Variants in TNR observed in about 807,000 individuals in gnomAD.
The protein encoded by TNR is tenascin R.
A neutral mutation model predicts 150.4 loss-of-function variants in TNR; 45 were observed. The ratio of observed to expected loss-of-function variants is 0.30; its 90% CI spans 0.24 to 0.38. The LOEUF is 0.38. Among genes scored for constraint, TNR ranks in the 10% least tolerant of loss-of-function variants. The pLI, the probability that TNR is intolerant of heterozygous loss-of-function variation, is 1.00. For synonymous variants in TNR, 687 were observed against 678.4 expected, an observed-to-expected ratio of 1.01 and a Z score of -0.20; for missense variants, 1,544 against 1,759.1, an observed-to-expected ratio of 0.88 and a Z score of 2.19.
At chr1:175,617,527 G>A (rs983526099) in intron 1 of TNR, among the ~76,000 whole-genome samples, 1 of 152,128 alleles carries the variant, frequency 6.6e-6, no homozygotes, top group African/African-American at 2.4e-5. Flanking sequence ...TTCTTGCATC[G>A]GGATGGCCTA....
chr1:175,637,167 C>A lies in TNR; in HGVS notation c.-165+106059G>T, dbSNP rs1664511809. ...ATGGCTGAGAATTCAAGACAGCTCT[C>A]TGGGCTTGCCTTTTGTTTATTTTTG... On this transcript the variant is annotated intron_variant, in intron 1 of 22. Coordinates refer to ENST00000367674, the MANE Select transcript of TNR (RefSeq NM_003285.3). Among the ~76,000 whole-genome samples the A allele has an allele frequency of 2.0e-5, 3 of 152,188 alleles. No homozygotes were observed. In the South Asian group the frequency reaches 6.2e-4, roughly 32 times the overall value.
chr1:175,725,518 C>T (rs549871742), intron 1 of TNR, among the ~76,000 whole-genome samples: 4 of 152,138 alleles, frequency 2.6e-5, no homozygotes, highest in Admixed American at 6.5e-5. Flanking sequence ...TCAACATCCA[C>T]GATGACCAAA....
In TNR at chr1:175,668,712, A is replaced by G. The variant is rs544145766; in HGVS notation, c.-165+74514T>C. ...GTGACCGGCACCATGCTAATATTAC[A>G]CATATTCTCTCTAATGATCTCAAGA... On this transcript the variant is annotated intron_variant, in intron 1 of 22. Transcript: ENST00000367674. Among the ~76,000 whole-genome samples the G allele has an allele frequency of 1.6e-4, 25 of 152,326 alleles. No homozygotes were observed. In the South Asian group the frequency reaches 4.4e-3, roughly 27 times the overall value.
chr1:175,475,855 T>C (rs1022949738), intron 2 of TNR, among the ~76,000 whole-genome samples: 2 of 152,202 alleles, frequency 1.3e-5, no homozygotes, highest in Non-Finnish European at 2.9e-5. Flanking sequence ...AATGAGCAAT[T>C]TGAGCAATCT....
At chr1:175,434,757 C>T (rs902937525) in intron 2 of TNR, among the ~76,000 whole-genome samples, 3 of 152,180 alleles carry the variant, frequency 2.0e-5, no homozygotes, top group African/African-American at 7.2e-5. Flanking sequence ...TGGTACACAG[C>T]ATGGAGTTTC....
intron 1 of TNR, among the ~76,000 whole-genome samples, chr1:175,640,531 C>A (rs1664622840): frequency 6.6e-6 from 1 of 152,106 alleles, no homozygotes; most frequent in Admixed American, 6.5e-5. Flanking sequence ...TTACTTTGCC[C>A]TACCTACTTC....
At chr1:175,708,886 C>T (rs534365719) in intron 1 of TNR, among the ~76,000 whole-genome samples, 2 of 152,280 alleles carry the variant, frequency 1.3e-5, no homozygotes, top group East Asian at 1.9e-4. Context: ...TATCGTCAAG[C>T]ACTATGAGCC....
At position 175,403,321 on chromosome 1, in the gene TNR, C is replaced by T. The variant is rs1036362620; in HGVS notation, c.795G>A (p.Arg265=). 2.2e-5 allele frequency: 35 copies of T among 1,614,084 alleles called. No individual in the cohort carries two copies. The highest frequency in any genetic ancestry group is 2.9e-5 in the Non-Finnish European group (34 of 1,180,042). The change falls in exon 4 of 23, where the codon AGG becomes AGA. Residue 265 remains arginine (R), a synonymous_variant. Coordinates refer to ENST00000367674, the MANE Select transcript of TNR (RefSeq NM_003285.3). ...CCTTCCCCGAACAGTCCCCAGGGCA[C>T]CTCAGTTCCCTGCAGTCCTCGCCAG... ...PYTGEDCREL[R]CPGDCSGKGR...
rs568998201 is a variant in TNR, at chr1:175,398,998, T to C, written c.977-2191A>G. On this transcript the variant is annotated intron_variant, in intron 4 of 22. Coordinates refer to ENST00000367674, the MANE Select transcript of TNR (RefSeq NM_003285.3). ...AACTGACTGTCAAACCCTGATGTTC[T>C]ACAGTTTTCATTCTTTCCCCTACAA... Among the ~76,000 whole-genome samples, 54 of 152,328 alleles carry C rather than the reference T, an allele frequency of 3.5e-4. 1 individual carries two copies. In the South Asian group the frequency reaches 5.6e-3, roughly 16 times the overall value.
intron 1 of TNR, among the ~76,000 whole-genome samples, chr1:175,737,015 C>T (rs1667791050): frequency 6.6e-6 from 1 of 151,974 alleles, no homozygotes; most frequent in South Asian, 2.1e-4. Context: ...AGTGAGATCC[C>T]ATCTCAAAAA....
intron 2 of TNR, among the ~76,000 whole-genome samples, chr1:175,445,496 C>T (rs145125024): frequency 2.6e-5 from 4 of 152,016 alleles, no homozygotes; most frequent in Non-Finnish European, 5.9e-5. Context: ...AAATTCAACA[C>T]AAAAAGTGTT....
At chr1:175,641,652 CT>C (rs1218598790) in intron 1 of TNR, among the ~76,000 whole-genome samples, 6 of 152,180 alleles carry the variant, frequency 3.9e-5, no homozygotes, top group Non-Finnish European at 8.8e-5. Context: ...AGAAAATAAA[CT>C]TCCCAAGTCT....
At position 175,669,213 on chromosome 1, in the gene TNR, C is replaced by A. The variant is rs116516168; in HGVS notation, c.-165+74013G>T. Among the ~76,000 whole-genome samples, 463 of 152,294 alleles carry A rather than the reference C, an allele frequency of 3.0e-3. 2 individuals are homozygous for A. The highest frequency in any genetic ancestry group is 0.011 in the African/African-American group (446 of 41,556). Reference sequence around the variant, plus strand: ...GGTAAAGCATGTGAAAGATTAAATGCGGTAACCATTATCATCACAGTCCTG... The same window carrying A: ...GGTAAAGCATGTGAAAGATTAAATGAGGTAACCATTATCATCACAGTCCTG... On this transcript the variant is annotated intron_variant, in intron 1 of 22. Transcript: ENST00000367674.
At chr1:175,443,815 T>C (rs1655907615) in intron 2 of TNR, among the ~76,000 whole-genome samples, 1 of 152,196 alleles carries the variant, frequency 6.6e-6, no homozygotes, top group Non-Finnish European at 1.5e-5. Context: ...GATTGATTCC[T>C]CCTTAGTTTG....
chr1:175,382,530 G>A (rs1652728952), intron 8 of TNR, among the ~76,000 whole-genome samples: 2 of 152,220 alleles, frequency 1.3e-5, no homozygotes, highest in Non-Finnish European at 2.9e-5. Flanking sequence ...GGCTTGAACT[G>A]TTGGGACTTG....
chr1:175,719,251 C>T (rs1210192430), intron 1 of TNR, among the ~76,000 whole-genome samples: 4 of 152,216 alleles, frequency 2.6e-5, no homozygotes, highest in Non-Finnish European at 5.9e-5. Context: ...TTGGGCTGCA[C>T]ACAGGGGTGT....
At chr1:175,331,029 C>CT (rs761886290) in intron 20 of TNR, among the ~76,000 whole-genome samples, 5 of 68,122 alleles carry the variant, frequency 7.3e-5, no homozygotes, top group African/African-American at 2.4e-4. Flanking sequence ...TTCTTTCTTT[C>CT]TTTCTTTCTT....
chr1:175,585,590 G>A (rs1414986933), intron 1 of TNR, among the ~76,000 whole-genome samples: 3 of 152,168 alleles, frequency 2.0e-5, no homozygotes, highest in Non-Finnish European at 4.4e-5. Context: ...CAAAGCCCAT[G>A]TTCTTTATAC....
chr1:175,499,135 T>C lies in TNR; in HGVS notation c.-64+29134A>G, dbSNP rs78787928. ...GCCAATCACGAGTTTAGTTTCTGGC[T>C]TGTTTTTGTTTTTATTGTCAGCTCT... is the stretch of plus-strand genomic sequence containing the variant. On this transcript the variant is annotated intron_variant, in intron 2 of 22. Coordinates refer to ENST00000367674, the MANE Select transcript of TNR (RefSeq NM_003285.3). 7.0e-3 allele frequency among the ~76,000 whole-genome samples: 1,060 copies of C among 152,346 alleles called. 9 individuals are homozygous for C. The highest frequency in any genetic ancestry group is 0.024 in the African/African-American group (1,011 of 41,564).
Sources: gnomAD v4.1 joint callset for allele counts (sites outside exome capture counted in the v4.1 genomes callset) on GRCh38, gnomAD v4.1.1 for gene constraint, MANE v1.5 for transcripts, NCBI Gene and HGNC (gene_info 2026-07-23, HGNC 2026-07-21) for gene names.